SGCE: variants seen among roughly 807,000 people sequenced by gnomAD.
The protein encoded by SGCE is sarcoglycan epsilon.
In SGCE, 26 loss-of-function variants were observed where a neutral mutation model predicts 57.8. The ratio of observed to expected loss-of-function variants is 0.45; its 90% CI spans 0.33 to 0.62. SGCE has a LOEUF of 0.62. SGCE is among the 20% of genes least tolerant of loss of function. The probability of loss-of-function intolerance (pLI) is 0.02; values close to 1 mark genes in which losing one functional copy is unlikely to be tolerated. For synonymous variants in SGCE, 183 were observed against 189.5 expected (o/e 0.97, Z 0.28); for missense variants, 468 against 548.6 (o/e 0.85, Z 1.47).
At chr7:94,637,576 G>A (rs1018984815) in intron 1 of SGCE, among the ~76,000 whole-genome samples, 11 of 152,146 alleles carry the variant, frequency 7.2e-5, no homozygotes, top group Non-Finnish European at 1.5e-4. Flanking sequence ...AGAGACTGGC[G>A]TCTCTTAGAG....
intron 1 of SGCE, among the ~76,000 whole-genome samples, chr7:94,633,623 C>CA (rs923886903): frequency 1.2e-4 from 18 of 149,518 alleles, no homozygotes; most frequent in African/African-American, 2.9e-4. Context: ...AAAGCAGTAG[C>CA]AAAAAAAAAG....
rs781005887 is a variant in SGCE at position 94,600,804 on chromosome 7, C to A, written c.879G>T (p.Gly293=). 1 of 1,613,142 alleles carries A rather than the reference C, an allele frequency of 6.2e-7. No homozygotes were observed. The highest frequency in any genetic ancestry group is 8.5e-7 in the Non-Finnish European group (1 of 1,179,736). ...STYQEVIRGE[G]ILPDGGEYKP... is the part of the protein sequence containing the mutation. ...TGTATTCTCCACCATCAGGTAAAAT[C>A]CCCTCTCCACGAATCACTTCCTGAT... The change falls in exon 7 of 11, where the codon GGG becomes GGT. Residue 293 remains glycine, a synonymous_variant. Transcript: ENST00000648936.
chr7:94,587,136 C>T (rs1797012171), intron 10 of SGCE: 2 of 983,692 alleles, frequency 2.0e-6, no homozygotes, highest in Non-Finnish European at 2.4e-6. Flanking sequence ...ACCTTAAAAT[C>T]CCCTAGGAAA....
chr7:94,601,760 T>C (rs1799311802), intron 6 of SGCE, among the ~76,000 whole-genome samples: 1 of 152,136 alleles, frequency 6.6e-6, no homozygotes, highest in African/African-American at 2.4e-5. Context: ...TTTTTAAAAA[T>C]GAGAACTAAA....
chr7:94,587,019 G>T, intron 10 of SGCE: 3 of 982,936 alleles, frequency 3.1e-6, no homozygotes, highest in Non-Finnish European at 3.6e-6. Flanking sequence ...GAAGGTAATA[G>T]GCTCTAGTGT....
At chr7:94,634,667 A>G (rs769901321) in intron 1 of SGCE, among the ~76,000 whole-genome samples, 1 of 152,192 alleles carries the variant, frequency 6.6e-6, no homozygotes, top group Non-Finnish European at 1.5e-5. Flanking sequence ...TGCTAGATGT[A>G]AAAGACAGGA....
intron 5 of SGCE, among the ~76,000 whole-genome samples, chr7:94,615,790 C>T (rs1045905729): frequency 2.6e-4 from 40 of 152,238 alleles, no homozygotes; most frequent in African/African-American, 8.9e-4. Context: ...CTACATCACT[C>T]GCCTGTGGTT....
At chr7:94,590,953 T>A (rs1241002749) in intron 9 of SGCE, 3 of 152,222 alleles carry the variant, frequency 2.0e-5, no homozygotes, top group Non-Finnish European at 2.9e-5. Flanking sequence ...GAGTTTTTTT[T>A]AATGTTTCAG....
intron 9 of SGCE, among the ~76,000 whole-genome samples, chr7:94,595,111 C>G (rs1046345914): frequency 5.3e-5 from 8 of 152,254 alleles, no homozygotes; most frequent in African/African-American, 1.9e-4. Context: ...ATCAGTGTCT[C>G]AAATTTATCA....
intron 6 of SGCE, among the ~76,000 whole-genome samples, chr7:94,602,209 G>A (rs138158529): frequency 2.0e-5 from 3 of 152,090 alleles, no homozygotes; most frequent in East Asian, 3.9e-4. Flanking sequence ...CCCTTGTATC[G>A]TTAGCACCAT....
chr7:94,648,376 C>CA (rs71123907), intron 1 of SGCE, among the ~76,000 whole-genome samples: 181 of 64,970 alleles, frequency 2.8e-3, no homozygotes, highest in Admixed American at 3.4e-3. Context: ...ACTCTGTCTC[C>CA]AAAAAAAAAA....
chr7:94,587,498 A>G, intron 10 of SGCE: 1 of 1,293,028 alleles, frequency 7.7e-7, no homozygotes, highest in Non-Finnish European at 9.7e-7. Context: ...TCGTAGAAGT[A>G]TTCTTTTAGA....
At chr7:94,623,282 A>G in intron 4 of SGCE, 43 bp downstream of exon 4, 1 of 1,229,154 alleles carries the variant, frequency 8.1e-7, no homozygotes, top group South Asian at 1.3e-5. Context: ...ATAATGAAAT[A>G]CTTCTTATAA....
chr7:94,623,116 C>T (rs1417977443), intron 4 of SGCE, among the ~76,000 whole-genome samples: 1 of 152,044 alleles, frequency 6.6e-6, no homozygotes, highest in Non-Finnish European at 1.5e-5. Flanking sequence ...ATCTGTTTGG[C>T]TTCCTATCTG....
At chr7:94,604,657 T>C (rs573194542) in intron 5 of SGCE, among the ~76,000 whole-genome samples, 7 of 151,450 alleles carry the variant, frequency 4.6e-5, no homozygotes, top group Non-Finnish European at 8.8e-5. Flanking sequence ...TTATAACTAA[T>C]GGTGCTGGAA....
At position 94,643,559 on chromosome 7, in the gene SGCE, G is replaced by A. The variant is rs569245835; in HGVS notation, c.109+12431C>T. On this transcript the variant is annotated intron_variant, in intron 1 of 10. Transcript: ENST00000648936. The stretch of plus-strand genomic sequence containing the variant: ...TGAAGTCCAATAAATCCCAATAAAA[G>A]GACAATGTTTTATGGCTCTACTCCC... 5.9e-5 allele frequency among the ~76,000 whole-genome samples: 9 copies of A among 152,208 alleles called. No individual in the cohort carries two copies. The South Asian group carries it at 1.9e-3, about 32-fold the overall frequency.
In SGCE at chr7:94,598,869, G is replaced by A. The variant is rs1798797679; in HGVS notation, c.1159C>T (p.Leu387Phe). The A allele has an allele frequency of 6.2e-7, 1 of 1,612,170 alleles. No homozygotes were observed. The highest frequency in any genetic ancestry group is 1.1e-5 in the South Asian group (1 of 91,054). The change falls in exon 9 of 11, where the codon CTT (leucine) becomes TTT (phenylalanine). Residue 387 changes from leucine (L) to phenylalanine (F), a missense_variant. Leu to Phe is a conservative substitution (Grantham distance 22, BLOSUM62 0). Transcript: ENST00000648936. ...NREIAWPLST[L>F]PVFHPVTGEI... ...CCAGTCACAGGGTGGAACACAGGAA[G>A]CGTTGACAGGGGCCATGCTATCTCT...
In SGCE at chr7:94,639,586, T is replaced by G; in HGVS notation, c.110-9745A>C. 2.1e-5 allele frequency: 13 copies of G among 608,492 alleles called. 1 individual carries two copies. The South Asian group carries it at 2.6e-4, about 12-fold the overall frequency. 37.7% of individuals were successfully genotyped at this position (608,492 alleles called of 1,614,324 possible). A position where few individuals can be genotyped will look rare whatever the true frequency, so the allele number is the denominator to read the frequency against. ...TAACTGTTTAATTCTAGTCAGCAAA[T>G]ATTTGTTGTATGTCAATACAAGGAG... On this transcript the variant is annotated intron_variant, in intron 1 of 10. Transcript: ENST00000648936.
intron 3 of SGCE, chr7:94,626,324 TCTTA>T (rs1803710576): frequency 6.6e-6 from 1 of 152,080 alleles, no homozygotes; most frequent in African/African-American, 2.4e-5. Flanking sequence ...AATATTTAGG[TCTTA>T]CTTAACAAAT....
Sources: gnomAD v4.1 joint callset for allele counts (sites outside exome capture counted in the v4.1 genomes callset) on GRCh38, gnomAD v4.1.1 for gene constraint, MANE v1.5 for transcripts, NCBI Gene and HGNC (gene_info 2026-07-23, HGNC 2026-07-21) for gene names.